The following ATP9B variants were observed in gnomAD, a reference collection of about 807,000 sequenced individuals.
The protein encoded by ATP9B is ATPase phospholipid transporting 9B.
A neutral mutation model predicts 146.1 loss-of-function variants in ATP9B; 110 were observed. The observed-to-expected ratio is 0.75, with a 90% CI of 0.65 to 0.88. The LOEUF is 0.88. Among genes scored for constraint, ATP9B ranks in the 40% least tolerant of loss-of-function variants. ATP9B has a pLI of 0.00. For synonymous variants in ATP9B, 604 were observed against 569.7 expected (o/e 1.06, Z -0.86); for missense variants, 1,499 against 1,496.4 (o/e 1.00, Z -0.03).
chr18:79,120,041 A>C lies in ATP9B; in HGVS notation c.559-6226A>C, dbSNP rs1292777142. On this transcript the variant is annotated intron_variant, in intron 4 of 29. Coordinates refer to ENST00000426216, the MANE Select transcript of ATP9B (RefSeq NM_198531.5). ...TATTTAAAATAATGCAAATTTGAAA[A>C]TATGTATAGGTGTCTCTTTTTTAAC... is the stretch of plus-strand genomic sequence containing the variant. 2.0e-5 allele frequency among the ~76,000 whole-genome samples: 3 copies of C among 152,354 alleles called. No homozygotes were observed. In the South Asian group the frequency reaches 6.2e-4, roughly 32 times the overall value.
At chr18:79,113,194 AT>A (rs1198716076) in intron 3 of ATP9B, 46 bp from the exon 4 acceptor site, 1 of 1,089,756 alleles carries the variant, frequency 9.2e-7, no homozygotes. Flanking sequence ...AGGTATTAAA[AT>A]TTTTTCCTTG....
chr18:79,113,284 T>G lies in ATP9B; in HGVS notation c.488T>G (p.Leu163Arg), dbSNP rs1209483180. Residue 163 changes from leucine (L) to arginine (R), a missense_variant, in exon 4 of 30, where the codon CTA becomes CGA. Transcript: ENST00000426216. ...AAGTTTTTCTTGAATCTCTATTTTC[T>G]AGTAATATCCTGCTCACAGTTTGTA... ...QFKFFLNLYF[L>R]VISCSQFVPA... 6.2e-7 allele frequency: 1 copy of G among 1,601,104 alleles called. No individual in the cohort carries two copies. Among genetic ancestry groups the G allele is most frequent in the African/African-American group, 1.3e-5 (1 of 74,678 alleles).
intron 14 of ATP9B, among the ~76,000 whole-genome samples, chr18:79,304,845 G>T (rs1286989187): frequency 6.6e-6 from 1 of 152,212 alleles, no homozygotes; most frequent in East Asian, 1.9e-4. Context: ...TAGCAGACAA[G>T]GCTGCAGTGT....
intron 7 of ATP9B, among the ~76,000 whole-genome samples, chr18:79,160,834 C>G (rs374421834): frequency 3.9e-5 from 6 of 152,092 alleles, no homozygotes; most frequent in Non-Finnish European, 8.8e-5. Flanking sequence ...TGCAGTGGCG[C>G]GATCTCGGCT....
chr18:79,251,492 A>G (rs1388188623), intron 11 of ATP9B, among the ~76,000 whole-genome samples: 2 of 152,210 alleles, frequency 1.3e-5, no homozygotes, highest in African/African-American at 4.8e-5. Flanking sequence ...TGTAGGTAAA[A>G]TCTTATAGTT....
At chr18:79,334,584 G>A (rs961869875) in intron 17 of ATP9B, among the ~76,000 whole-genome samples, 2 of 151,964 alleles carry the variant, frequency 1.3e-5, no homozygotes, top group African/African-American at 4.8e-5. Context: ...AGCAGAGGGG[G>A]GTGGGGTTGT....
At chr18:79,297,574 A>G (rs915071719) in intron 13 of ATP9B, among the ~76,000 whole-genome samples, 4 of 152,368 alleles carry the variant, frequency 2.6e-5, no homozygotes, top group Admixed American at 2.0e-4. Context: ...ATGACTGTCT[A>G]TGTGGGTGTC....
chr18:79,376,164 A>G (rs2097100482), intron 29 of ATP9B: 3 of 923,764 alleles, frequency 3.2e-6, no homozygotes, highest in Non-Finnish European at 3.8e-6. Flanking sequence ...AGTCAGCTCT[A>G]CCTTAGAAAC....
intron 11 of ATP9B, 57 bp from the exon 12 acceptor site, chr18:79,253,324 T>C: frequency 1.3e-6 from 2 of 1,488,026 alleles, no homozygotes; most frequent in Non-Finnish European, 1.8e-6. Flanking sequence ...CATTCTGATT[T>C]ATAATATTAG....
rs33978603 is a variant in ATP9B at position 79,376,216 on chromosome 18, A to ACACAC, written c.3307+790_3307+791insCACAC. On this transcript the variant is annotated intron_variant, in intron 29 of 29. Transcript: ENST00000426216. The stretch of plus-strand genomic sequence containing the variant: ...ACACACACACACACACACACACACA[A>ACACAC]AACAAAACAAAAAAATGGCTAGCCT... The ACACAC allele has an allele frequency of 1.5e-3, 1,131 of 768,212 alleles. 27 individuals are homozygous for ACACAC. The African/African-American group carries it at 0.031, about 21-fold the overall frequency. The allele number at this position is 768,212 out of a possible 1,614,324, so 47.6% of individuals were successfully genotyped here.
chr18:79,364,808 G>C (rs923923861), intron 26 of ATP9B, among the ~76,000 whole-genome samples: 4 of 152,162 alleles, frequency 2.6e-5, no homozygotes, highest in Non-Finnish European at 5.9e-5. Context: ...AGGATAACTT[G>C]AGCCCAGAAG....
intron 15 of ATP9B, among the ~76,000 whole-genome samples, chr18:79,322,893 A>C (rs1261316659): frequency 6.6e-6 from 1 of 152,196 alleles, no homozygotes; most frequent in African/African-American, 2.4e-5. Context: ...ACCGTCCTGA[A>C]ATATGGTAGA....
At chr18:79,080,127 CT>C (rs1378879883) in intron 1 of ATP9B, among the ~76,000 whole-genome samples, 1 of 152,086 alleles carries the variant, frequency 6.6e-6, no homozygotes, top group African/African-American at 2.4e-5. Flanking sequence ...TATGTGGGCT[CT>C]TTTTTGGTTC....
chr18:79,289,922 T>A (rs929449810), intron 13 of ATP9B, among the ~76,000 whole-genome samples: 3 of 152,208 alleles, frequency 2.0e-5, no homozygotes, highest in African/African-American at 7.2e-5. Flanking sequence ...GGGTGCAGAA[T>A]AGCGGATTTT....
At chr18:79,260,795 A>G (rs1003371944) in intron 12 of ATP9B, among the ~76,000 whole-genome samples, 14 of 152,278 alleles carry the variant, frequency 9.2e-5, no homozygotes, top group Non-Finnish European at 2.1e-4. Flanking sequence ...TGGAGCTGCC[A>G]GCCTAAGGGC....
At chr18:79,330,194 G>T in intron 17 of ATP9B, 90 bp downstream of exon 17, 9 of 1,158,944 alleles carry the variant, frequency 7.8e-6, no homozygotes, top group Non-Finnish European at 1.2e-5. Context: ...GTGTTTCTAT[G>T]AACTTTATTG....
chr18:79,353,919 G>A (rs888329177), intron 25 of ATP9B: 17 of 152,276 alleles, frequency 1.1e-4, no homozygotes, highest in Admixed American at 3.9e-4. Context: ...CAAGTTTAAC[G>A]TAATAAAGAA....
rs1014462954 is a variant in ATP9B at position 79,136,711 on chromosome 18, G to A, written c.668-7091G>A. 2.0e-5 allele frequency among the ~76,000 whole-genome samples: 3 copies of A among 151,968 alleles called. No individual in the cohort carries two copies. The South Asian group carries it at 6.2e-4, about 32-fold the overall frequency. ...ATTTACTGTTCTTTCCTTCCACAAG[G>A]TCTATTCTATTGTGTGTTAGTCTGT... On this transcript the variant is annotated intron_variant, in intron 5 of 29. Transcript: ENST00000426216.
At chr18:79,254,773 CCT>C (rs1162140472) in intron 12 of ATP9B, 1 of 152,576 alleles carries the variant, frequency 6.6e-6, no homozygotes, top group Non-Finnish European at 1.5e-5. Context: ...CTAGCTGTGT[CCT>C]CTGCTTCAGT....
Sources: allele counts gnomAD v4.1 joint callset (sites outside exome capture counted in the v4.1 genomes callset), GRCh38; gene constraint gnomAD v4.1.1; transcripts MANE v1.5; gene names NCBI Gene and HGNC (gene_info 2026-07-23, HGNC 2026-07-21).